The following CNTN4 variants were observed in gnomAD, a reference collection of about 807,000 sequenced individuals.
CNTN4 encodes contactin-4.
In CNTN4, 77 loss-of-function variants were observed where a neutral mutation model predicts 122.5. The observed-to-expected ratio is 0.63, with a 90% confidence interval of 0.52 to 0.76. The LOEUF is 0.76. CNTN4 is among the 30% of genes least tolerant of loss of function. The pLI, the probability that CNTN4 is intolerant of heterozygous loss-of-function variation, is 0.00. For synonymous variants in CNTN4, 512 were observed against 447.0 expected (o/e 1.15, Z -1.83); for missense variants, 1,256 against 1,259.1 (o/e 1.00, Z 0.04).
chr3:2,184,721 A>C (rs911226695), intron 2 of CNTN4, among the ~76,000 whole-genome samples: 1 of 152,130 alleles, frequency 6.6e-6, no homozygotes, highest in African/African-American at 2.4e-5. Flanking sequence ...TCCCCTCTGG[A>C]GGATGCAGCA....
intron 2 of CNTN4, among the ~76,000 whole-genome samples, chr3:2,207,288 G>A (rs1367072017): frequency 6.6e-6 from 1 of 152,096 alleles, no homozygotes; most frequent in African/African-American, 2.4e-5. Context: ...GAAAGGAAGA[G>A]TCATACATCT....
intron 4 of CNTN4, among the ~76,000 whole-genome samples, chr3:2,694,584 G>C (rs1273295432): frequency 6.6e-6 from 1 of 152,166 alleles, no homozygotes; most frequent in East Asian, 1.9e-4. Flanking sequence ...ACAAAAATTA[G>C]CTGGGCATGG....
At chr3:2,823,550 T>C (rs1185421781) in intron 7 of CNTN4, among the ~76,000 whole-genome samples, 2 of 152,142 alleles carry the variant, frequency 1.3e-5, no homozygotes, top group African/African-American at 2.4e-5. Flanking sequence ...CACCAAAAAA[T>C]AGAAATCACT....
chr3:2,971,193 T>C lies in CNTN4; in HGVS notation c.1359-17152T>C, dbSNP rs541590001. ...AAGTGGAAGTGCATCATCATACAGGTCCTTATCCTCATCCTCTTCAAGTTG... is the reference window on the plus strand; with the variant it reads ...AAGTGGAAGTGCATCATCATACAGGCCCTTATCCTCATCCTCTTCAAGTTG... On this transcript the variant is annotated intron_variant, in intron 13 of 24. Coordinates refer to ENST00000418658, the MANE Select transcript of CNTN4 (RefSeq NM_175607.3). Among the ~76,000 whole-genome samples the C allele has an allele frequency of 2.0e-5, 3 of 152,276 alleles. No individual in the cohort carries two copies. In the South Asian group the frequency reaches 6.2e-4, roughly 32 times the overall value.
chr3:2,635,433 G>A (rs1170287295), intron 4 of CNTN4, among the ~76,000 whole-genome samples: 3 of 152,120 alleles, frequency 2.0e-5, no homozygotes, highest in Non-Finnish European at 4.4e-5. Context: ...AAAAATCTGT[G>A]AGTAAAAAAG....
At chr3:2,874,412 A>G (rs1436547186) in intron 8 of CNTN4, among the ~76,000 whole-genome samples, 1 of 152,236 alleles carries the variant, frequency 6.6e-6, no homozygotes, top group Non-Finnish European at 1.5e-5. Flanking sequence ...ACTTGAAATG[A>G]AAGAGGGAAG....
At position 2,340,710 on chromosome 3, in the gene CNTN4, T is replaced by TATATAGAGAGAGAGAGAG; in HGVS notation, c.-89+1478_-89+1479insTATAGAGAGAGAGAGAGA. Among the ~76,000 whole-genome samples, 34 of 18,300 alleles carry TATATAGAGAGAGAGAGAG rather than the reference T, an allele frequency of 1.9e-3. 1 individual carries two copies. Among genetic ancestry groups the TATATAGAGAGAGAGAGAG allele is most frequent in the Non-Finnish European group, 3.9e-3 (24 of 6,160 alleles). The allele number at this position is 18,300 out of a possible 152,430, so 12.0% of individuals were successfully genotyped here. ...TTATATATATATATATATATATATA[T>TATATAGAGAGAGAGAGAG]AGAGAGAGAGAGAGAGAGAGAGAGA... On this transcript the variant is annotated intron_variant, in intron 3 of 24. Coordinates refer to ENST00000418658, the MANE Select transcript of CNTN4 (RefSeq NM_175607.3).
At chr3:2,549,488 T>A (rs1042578088) in intron 3 of CNTN4, among the ~76,000 whole-genome samples, 2 of 152,202 alleles carry the variant, frequency 1.3e-5, no homozygotes, top group Non-Finnish European at 1.5e-5. Flanking sequence ...TCTGTTTAAG[T>A]GGTGGATTAC....
chr3:2,364,569 A>G (rs1475869255), intron 3 of CNTN4, among the ~76,000 whole-genome samples: 1 of 152,046 alleles, frequency 6.6e-6, no homozygotes, highest in Non-Finnish European at 1.5e-5. Flanking sequence ...GAGCCATTCT[A>G]GATCTCTTTT....
chr3:2,491,367 T>A (rs1461693130), intron 3 of CNTN4, among the ~76,000 whole-genome samples: 4 of 152,210 alleles, frequency 2.6e-5, no homozygotes, highest in Non-Finnish European at 4.4e-5. Context: ...TACGCTCTAA[T>A]GGGTCAACAA....
At chr3:2,747,763 G>A (rs1397941173) in intron 6 of CNTN4, among the ~76,000 whole-genome samples, 1 of 152,148 alleles carries the variant, frequency 6.6e-6, no homozygotes, top group African/African-American at 2.4e-5. Context: ...ATCCTTGGCT[G>A]ATCATCATTT....
chr3:2,170,179 G>A (rs1028520869), intron 2 of CNTN4, among the ~76,000 whole-genome samples: 1 of 139,324 alleles, frequency 7.2e-6, no homozygotes, highest in African/African-American at 3.1e-5. Flanking sequence ...AAATTAGCCG[G>A]GCGTGGTGGC....
intron 6 of CNTN4, among the ~76,000 whole-genome samples, chr3:2,807,134 C>T (rs2150110113): frequency 6.6e-6 from 1 of 152,272 alleles, no homozygotes; most frequent in Middle Eastern, 3.4e-3. Context: ...AGTAGGCATA[C>T]TGTAGGTACT....
chr3:2,265,924 T>C (rs1199999125), intron 2 of CNTN4, among the ~76,000 whole-genome samples: 2 of 152,124 alleles, frequency 1.3e-5, no homozygotes, highest in African/African-American at 4.8e-5. Flanking sequence ...TTTTGTATTC[T>C]GCAACTTTAT....
intron 13 of CNTN4, among the ~76,000 whole-genome samples, chr3:2,974,995 C>T (rs573606359): frequency 6.6e-6 from 1 of 152,038 alleles, no homozygotes; most frequent in Non-Finnish European, 1.5e-5. Flanking sequence ...ATAGTGGGCC[C>T]CCCTTTCTAA....
chr3:2,887,206 G>A lies in CNTN4; in HGVS notation c.922G>A (p.Gly308Arg). ...ENSRGKNVARGQLTFYAQPNW... is the reference protein window; with the variant it reads ...ENSRGKNVARRQLTFYAQPNW... ...TTCCAGAGGGAAAAATGTAGCAAGG[G>A]GACAGCTAACTTTCTATGGTAAGTG... Residue 308 changes from glycine (G) to arginine (R), a missense_variant, in exon 10 of 25, where the codon GGA becomes AGA. Transcript: ENST00000418658. 1.2e-6 allele frequency: 2 copies of A among 1,613,362 alleles called. No homozygotes were observed. The highest frequency in any genetic ancestry group is 1.7e-6 in the Non-Finnish European group (2 of 1,179,908).
intron 3 of CNTN4, among the ~76,000 whole-genome samples, chr3:2,542,867 A>T (rs946635846): frequency 4.6e-5 from 7 of 152,110 alleles, no homozygotes; most frequent in Non-Finnish European, 1.0e-4. Flanking sequence ...TCTTTGTGGA[A>T]CTAGAAGATC....
chr3:2,194,307 A>G (rs2037734895), intron 2 of CNTN4, among the ~76,000 whole-genome samples: 1 of 151,958 alleles, frequency 6.6e-6, no homozygotes, highest in Non-Finnish European at 1.5e-5. Context: ...CTTAAAAAAA[A>G]CAAATTAGCC....
At chr3:2,246,748 T>G (rs1256902450) in intron 2 of CNTN4, among the ~76,000 whole-genome samples, 1 of 152,006 alleles carries the variant, frequency 6.6e-6, no homozygotes. Flanking sequence ...CAAATTGTTC[T>G]AATAGAAGAT....
Sources: allele counts gnomAD v4.1 joint callset (sites outside exome capture counted in the v4.1 genomes callset), GRCh38; gene constraint gnomAD v4.1.1; transcripts MANE v1.5; gene names NCBI Gene and HGNC (gene_info 2026-07-23, HGNC 2026-07-21).